The following RNF216 variants were observed in gnomAD, a reference collection of about 807,000 sequenced individuals.
RNF216 encodes E3 ubiquitin-protein ligase RNF216.
In RNF216, 72 loss-of-function variants were observed where a neutral mutation model predicts 110.8. The observed-to-expected ratio is 0.65, with a 90% CI of 0.54 to 0.79. The LOEUF is 0.79. Among genes scored for constraint, RNF216 ranks in the 30% least tolerant of loss-of-function variants. RNF216 has a pLI of 0.00. For synonymous variants in RNF216, 495 were observed against 407.5 expected, an observed-to-expected ratio of 1.21 and a Z score of -2.59; for missense variants, 1,342 against 1,141.2, an observed-to-expected ratio of 1.18 and a Z score of -2.54.
chr7:5,759,898 T>C (rs1795843930), intron 2 of RNF216, among the ~76,000 whole-genome samples: 1 of 152,114 alleles, frequency 6.6e-6, no homozygotes, highest in Non-Finnish European at 1.5e-5. Flanking sequence ...CCCAAAGTGC[T>C]GGGATTACAG....
chr7:5,761,354 G>A lies in RNF216; in HGVS notation c.-69-216C>T, dbSNP rs370835718. ...ACACATATTAAAGAGACAAAGTACT[G>A]ACAGAGAAATGACATCTTGATACAA... On this transcript the variant is annotated intron_variant, in intron 1 of 16. Transcript: ENST00000389902. 4.8e-4 allele frequency among the ~76,000 whole-genome samples: 73 copies of A among 151,606 alleles called. 1 individual carries two copies. Among genetic ancestry groups the A allele is most frequent in the East Asian group, 1.7e-3 (9 of 5,174 alleles).
In RNF216 at chr7:5,622,751, C is replaced by A; in HGVS notation, c.*109G>T. On this transcript the variant is annotated 3_prime_UTR_variant, in exon 17 of 17. Coordinates refer to ENST00000389902, the MANE Select transcript of RNF216 (RefSeq NM_207111.4). ...GTGGGAAGAAAACCAGCCTACCCTT[C>A]AAGCTGACTTAGGATGCAATGGTAC... The A allele has an allele frequency of 1.8e-6, 2 of 1,132,114 alleles. No individual in the cohort carries two copies. The highest frequency in any genetic ancestry group is 2.5e-6 in the Non-Finnish European group (2 of 801,126). The allele number at this position is 1,132,114 out of a possible 1,614,324, so 70.1% of individuals were successfully genotyped here. A position where few individuals can be genotyped will look rare whatever the true frequency, so the allele number is the denominator to read the frequency against.
At chr7:5,747,099 A>G (rs1795066849) in intron 3 of RNF216, among the ~76,000 whole-genome samples, 1 of 152,210 alleles carries the variant, frequency 6.6e-6, no homozygotes, top group Non-Finnish European at 1.5e-5. Flanking sequence ...TTCACAGTCT[A>G]CTAACTCTGA....
Position 5,714,982 on chromosome 7 carries a change from T to C in RNF216, c.1833+71A>G, listed in dbSNP as rs1199174958. 1.4e-6 allele frequency: 2 copies of C among 1,428,352 alleles called. 1 individual carries two copies. The highest frequency in any genetic ancestry group is 2.8e-5 in the South Asian group (2 of 71,804). The allele number at this position is 1,428,352 out of a possible 1,614,324, so 88.5% of individuals were successfully genotyped here. A position where few individuals can be genotyped will look rare whatever the true frequency, so the allele number is the denominator to read the frequency against. ...ACCCTCAAAGAGGCACTTACACTTATCTATCAACATGGTCTCCTTAGACTC... is the reference window on the plus strand; with the variant it reads ...ACCCTCAAAGAGGCACTTACACTTACCTATCAACATGGTCTCCTTAGACTC... On this transcript the variant is annotated intron_variant, in intron 11 of 16. Coordinates refer to ENST00000389902, the MANE Select transcript of RNF216 (RefSeq NM_207111.4).
At chr7:5,634,624 T>C (rs559120658) in intron 15 of RNF216, among the ~76,000 whole-genome samples, 8 of 152,354 alleles carry the variant, frequency 5.3e-5, no homozygotes, top group African/African-American at 1.9e-4. Flanking sequence ...CCCTGGCTTC[T>C]GCAGCCACCT....
At chr7:5,777,658 G>A (rs372548325) in intron 1 of RNF216, 1 of 152,194 alleles carries the variant, frequency 6.6e-6, no homozygotes, top group South Asian at 2.1e-4. Context: ...CAGATGATGA[G>A]TTCAGAGAAA....
intron 13 of RNF216, among the ~76,000 whole-genome samples, chr7:5,653,760 G>A (rs1473325067): frequency 1.3e-5 from 2 of 152,128 alleles, no homozygotes; most frequent in African/African-American, 2.4e-5. Context: ...GACAGTGAAG[G>A]CTTGAGGAAG....
chr7:5,675,194 G>A (rs1790201105), intron 13 of RNF216, among the ~76,000 whole-genome samples: 5 of 152,178 alleles, frequency 3.3e-5, no homozygotes, highest in Admixed American at 2.0e-4. Context: ...CTAACAGTCT[G>A]TTGTATGCTA....
At chr7:5,726,444 C>A (rs574417416) in intron 7 of RNF216, among the ~76,000 whole-genome samples, 20 of 152,290 alleles carry the variant, frequency 1.3e-4, no homozygotes, top group African/African-American at 4.3e-4. Flanking sequence ...CTGTGTGCAC[C>A]TATATCCACC....
At chr7:5,771,040 T>C (rs1218913202) in intron 1 of RNF216, among the ~76,000 whole-genome samples, 1 of 152,158 alleles carries the variant, frequency 6.6e-6, no homozygotes, top group African/African-American at 2.4e-5. Flanking sequence ...ACTCTTGACC[T>C]TGTGATTCGC....
Position 5,722,852 on chromosome 7 carries a change from C to A in RNF216, c.1505-1680G>T, listed in dbSNP as rs532773104. Among the ~76,000 whole-genome samples the A allele has an allele frequency of 1.3e-3, 196 of 151,926 alleles. 2 individuals carry two copies. Among genetic ancestry groups the A allele is most frequent in the South Asian group, 0.012 (57 of 4,808 alleles). On this transcript the variant is annotated intron_variant, in intron 8 of 16. Coordinates refer to ENST00000389902, the MANE Select transcript of RNF216 (RefSeq NM_207111.4). ...ACCTGTCCAACATGGTGAAACCCCC[C>A]AGGCATGATGGCGCACACCTGTAAT...
chr7:5,677,295 A>C (rs1048055689), intron 13 of RNF216, among the ~76,000 whole-genome samples: 8 of 152,302 alleles, frequency 5.3e-5, no homozygotes, highest in South Asian at 4.1e-4. Context: ...TACATGCTCT[A>C]CTGTATGGGT....
chr7:5,754,415 G>A lies in RNF216; in HGVS notation c.68-1436C>T, dbSNP rs566690424. Among the ~76,000 whole-genome samples, 3 of 151,926 alleles carry A rather than the reference G, an allele frequency of 2.0e-5. No homozygotes were observed. The South Asian group carries it at 6.3e-4, about 32-fold the overall frequency. Reference sequence around the variant, plus strand: ...GGCCTCAAGTGCTCCTCCCACCTCGGCCTCCCAAGAAGTCACTGGGATGAC... The same window carrying A: ...GGCCTCAAGTGCTCCTCCCACCTCGACCTCCCAAGAAGTCACTGGGATGAC... On this transcript the variant is annotated intron_variant, in intron 2 of 16. Coordinates refer to ENST00000389902, the MANE Select transcript of RNF216 (RefSeq NM_207111.4).
In RNF216 at chr7:5,624,689, C is replaced by T. The variant is rs990628197; in HGVS notation, c.2383-564G>A. On this transcript the variant is annotated intron_variant, in intron 15 of 16. Transcript: ENST00000389902. This position sits in a 1 kb window ranked among gnomAD's most constrained non-coding sequence, Gnocchi z 4.4. ...GAGGATGGTCCCCCTCGGACCTTGC[C>T]GTCTCTTCTCCCAAACCCCATGCTT... Among the ~76,000 whole-genome samples the T allele has an allele frequency of 3.3e-5, 5 of 152,228 alleles. No homozygotes were observed. The highest frequency in any genetic ancestry group is 1.9e-4 in the East Asian group (1 of 5,198).
chr7:5,677,953 C>A (rs1790410515), intron 13 of RNF216, among the ~76,000 whole-genome samples: 1 of 152,192 alleles, frequency 6.6e-6, no homozygotes, highest in Non-Finnish European at 1.5e-5. Context: ...ACACTCTTAA[C>A]TGGAGCAGTA....
At chr7:5,687,409 A>AGAAAAAG (rs1554251842) in intron 13 of RNF216, among the ~76,000 whole-genome samples, 2 of 150,192 alleles carry the variant, frequency 1.3e-5, no homozygotes, top group Non-Finnish European at 3.0e-5. Context: ...AAAAAAAAAA[A>AGAAAAAG]AAAAAGAAAA....
At position 5,624,948 on chromosome 7, in the gene RNF216, G is replaced by A. The variant is rs1463586320; in HGVS notation, c.2383-823C>T. Among the ~76,000 whole-genome samples the A allele has an allele frequency of 6.6e-6, 1 of 152,230 alleles. No individual in the cohort carries two copies. Among genetic ancestry groups the A allele is most frequent in the African/African-American group, 2.4e-5 (1 of 41,464 alleles). ...TGCTGCCTCAGGACAGACCACCCGT[G>A]ATGCCTGCTTCATGAGTGGCGCTTA... On this transcript the variant is annotated intron_variant, in intron 15 of 16. Coordinates refer to ENST00000389902, the MANE Select transcript of RNF216 (RefSeq NM_207111.4). This position sits in a 1 kb window ranked among gnomAD's most constrained non-coding sequence, Gnocchi z 4.4.
At chr7:5,708,908 G>T (rs1447361201) in intron 13 of RNF216, among the ~76,000 whole-genome samples, 1 of 152,164 alleles carries the variant, frequency 6.6e-6, no homozygotes, top group African/African-American at 2.4e-5. Context: ...CCTTCGAGGT[G>T]CACTGGACTC....
chr7:5,726,626 G>A (rs1425701829), intron 7 of RNF216, among the ~76,000 whole-genome samples: 1 of 152,140 alleles, frequency 6.6e-6, no homozygotes, highest in East Asian at 1.9e-4. Flanking sequence ...GGGAGGCCGA[G>A]GCAGGTGGAT....
Sources: gnomAD v4.1 joint callset for allele counts (sites outside exome capture counted in the v4.1 genomes callset) on GRCh38, gnomAD v4.1.1 for gene constraint, Gnocchi (gnomAD v3.1) non-coding constraint, MANE v1.5 for transcripts, NCBI Gene and HGNC (gene_info 2026-07-23, HGNC 2026-07-21) for gene names.